ARHGEF10: variants seen among roughly 807,000 people sequenced by gnomAD.
The protein encoded by ARHGEF10 is Rho guanine nucleotide exchange factor (GEF) 10.
A neutral mutation model predicts 147.4 loss-of-function variants in ARHGEF10; 140 were observed. That is an observed-to-expected ratio of 0.95 (90% CI 0.83 to 1.09). ARHGEF10 has a LOEUF of 1.09. ARHGEF10 is among the 50% of genes least tolerant of loss of function. The pLI is 0.00. For missense variants in ARHGEF10, 2,222 were observed against 1,752.7 expected (o/e 1.27, Z -4.78); for synonymous variants, 902 against 695.8 (o/e 1.30, Z -4.67).
At chr8:1,944,953 A>G (rs1348825987) in intron 26 of ARHGEF10, among the ~76,000 whole-genome samples, 1 of 152,248 alleles carries the variant, frequency 6.6e-6, no homozygotes, top group Non-Finnish European at 1.5e-5. Context: ...GCTGGGATGC[A>G]CTTTCGGAGC....
intron 16 of ARHGEF10, 116 bp from the exon 17 acceptor site, chr8:1,905,455 C>T (rs564279321): frequency 5.0e-4 from 654 of 1,310,892 alleles, no homozygotes; most frequent in Middle Eastern, 2.6e-3. Context: ...GAACGATTTC[C>T]GTAAAGCGCT....
rs1390808679 is a variant in ARHGEF10 at position 1,880,133 on chromosome 8, T to G, written c.929T>G (p.Ile310Ser). Residue 310 changes from isoleucine (I) to serine (S), a missense_variant, in exon 9 of 29, where the codon ATT (isoleucine) becomes AGT (serine). By Grantham distance (142) the Ile-to-Ser change is moderately radical. Coordinates refer to ENST00000349830, the MANE Select transcript of ARHGEF10 (RefSeq NM_014629.4). ...GCAAGCACGGTGGGCGTGGTGGAGA[T>G]TCAGCAGCTCAGGCAGAAGCATGAA... is the stretch of plus-strand genomic sequence containing the variant. Reference protein sequence around the residue: ...LMASTVGVVEIQQLRQKHELK... With the variant: ...LMASTVGVVESQQLRQKHELK... 3 of 1,613,946 alleles carry G rather than the reference T, an allele frequency of 1.9e-6. No homozygotes were observed. Among genetic ancestry groups the G allele is most frequent in the South Asian group, 2.2e-5 (2 of 91,074 alleles).
intron 25 of ARHGEF10, among the ~76,000 whole-genome samples, chr8:1,930,811 T>C (rs762249165): frequency 7.9e-5 from 12 of 152,126 alleles, no homozygotes; most frequent in Non-Finnish European, 1.6e-4. Context: ...CAAGAAGGCC[T>C]GGACTTCTTT....
intron 4 of ARHGEF10, among the ~76,000 whole-genome samples, chr8:1,860,836 C>T (rs76337599): frequency 6.6e-6 from 1 of 152,200 alleles, no homozygotes; most frequent in East Asian, 1.9e-4. Flanking sequence ...CTCAGACTCC[C>T]TGGGGTCAAA....
intron 7 of ARHGEF10, chr8:1,876,351 C>CT (rs1807699244): frequency 1.7e-6 from 1 of 600,822 alleles, no homozygotes; most frequent in African/African-American, 1.8e-5. Flanking sequence ...TGAGAAACAC[C>CT]TGAAGTGCTT....
intron 6 of ARHGEF10, 151 bp downstream of exon 6, chr8:1,866,753 G>A (rs1433224514): frequency 1.2e-6 from 1 of 851,100 alleles, no homozygotes; most frequent in Non-Finnish European, 1.9e-6. Context: ...GGCTGACTGT[G>A]CAGAAGTTTC....
intron 25 of ARHGEF10, among the ~76,000 whole-genome samples, chr8:1,929,756 G>A (rs950624809): frequency 1.4e-4 from 22 of 152,172 alleles, no homozygotes; most frequent in African/African-American, 5.1e-4. Context: ...CATGTCCTGC[G>A]CTGACCAGCT....
intron 7 of ARHGEF10, chr8:1,870,093 G>A (rs1396554467): frequency 6.6e-6 from 1 of 152,356 alleles, no homozygotes; most frequent in East Asian, 1.9e-4. Flanking sequence ...CACCGCTCAA[G>A]ACAGCGCTGA....
At chr8:1,868,864 T>C (rs1033703540) in intron 6 of ARHGEF10, among the ~76,000 whole-genome samples, 4 of 152,168 alleles carry the variant, frequency 2.6e-5, no homozygotes, top group African/African-American at 7.2e-5. Context: ...CACAAAATCA[T>C]AGAATAAGTT....
chr8:1,861,111 G>C (rs915308435), intron 4 of ARHGEF10, among the ~76,000 whole-genome samples: 1 of 152,174 alleles, frequency 6.6e-6, no homozygotes, highest in Non-Finnish European at 1.5e-5. Context: ...GCTCACCTCC[G>C]GTCTCTGTGT....
chr8:1,949,515 G>GT (rs1212261123), intron 27 of ARHGEF10, among the ~76,000 whole-genome samples: 1 of 152,162 alleles, frequency 6.6e-6, no homozygotes, highest in African/African-American at 2.4e-5. Flanking sequence ...CCAGGCAGAT[G>GT]TTTCCTGCTC....
intron 12 of ARHGEF10, among the ~76,000 whole-genome samples, chr8:1,894,181 A>AAG (rs1809777984): frequency 1.3e-5 from 2 of 151,512 alleles, no homozygotes; most frequent in East Asian, 3.9e-4. Context: ...CAAAAAAAAA[A>AAG]AAAAGAAAAA....
At chr8:1,932,251 G>A (rs1318001165) in intron 25 of ARHGEF10, among the ~76,000 whole-genome samples, 1 of 67,938 alleles carries the variant, frequency 1.5e-5, no homozygotes, top group East Asian at 5.2e-4. Flanking sequence ...GCACATGTGT[G>A]TATGCACAGG....
At chr8:1,884,678 A>C (rs7014895) in intron 10 of ARHGEF10, among the ~76,000 whole-genome samples, 52,990 of 152,076 alleles carry the variant, frequency 0.35, 9,504 homozygotes, top group South Asian at 0.5. Flanking sequence ...GGTTTCTATC[A>C]TCTAAAAGTG....
intron 7 of ARHGEF10, chr8:1,870,324 A>G (rs541561046): frequency 1.4e-5 from 2 of 139,300 alleles, no homozygotes; most frequent in South Asian, 4.6e-4. Context: ...AGATTATTTT[A>G]ACTTTGAAAC....
chr8:1,948,552 G>A lies in ARHGEF10; in HGVS notation c.3397+2897G>A, dbSNP rs573373229. Among the ~76,000 whole-genome samples, 25 of 152,294 alleles carry A rather than the reference G, an allele frequency of 1.6e-4. 1 individual carries two copies. The East Asian group carries it at 4.8e-3, about 29-fold the overall frequency. ...GCAGGAGAAAGGTACACGGGTTAGA[G>A]GCAACCTCGGTGACACCAGAAGTTC... On this transcript the variant is annotated intron_variant, in intron 27 of 28. Coordinates refer to ENST00000349830, the MANE Select transcript of ARHGEF10 (RefSeq NM_014629.4). This position sits in a 1 kb window ranked among gnomAD's most constrained non-coding sequence, Gnocchi z 4.9.
At chr8:1,951,713 G>A (rs1563333500) in intron 27 of ARHGEF10, among the ~76,000 whole-genome samples, 1 of 152,242 alleles carries the variant, frequency 6.6e-6, no homozygotes, top group Non-Finnish European at 1.5e-5. Flanking sequence ...GGCCTACTGT[G>A]CTCCTCAGCT....
chr8:1,858,547 C>T (rs148702579), intron 3 of ARHGEF10, among the ~76,000 whole-genome samples: 22 of 152,298 alleles, frequency 1.4e-4, no homozygotes, highest in African/African-American at 5.3e-4. Flanking sequence ...ATAAGAATGA[C>T]CTCATCATTG....
At chr8:1,941,422 T>C (rs1348127495) in intron 26 of ARHGEF10, among the ~76,000 whole-genome samples, 1 of 152,190 alleles carries the variant, frequency 6.6e-6, no homozygotes, top group East Asian at 1.9e-4. Context: ...ATTTATACTC[T>C]AAAAACTACA....
Sources: allele counts gnomAD v4.1 joint callset (sites outside exome capture counted in the v4.1 genomes callset), GRCh38; gene constraint gnomAD v4.1.1; non-coding constraint Gnocchi (gnomAD v3.1); transcripts MANE v1.5; gene names NCBI Gene and HGNC (gene_info 2026-07-23, HGNC 2026-07-21).